The following NRIP3 variants were observed in gnomAD, a reference collection of about 807,000 sequenced individuals.
NRIP3 encodes the protein nuclear receptor-interacting protein 3.
Under a neutral mutation model 29.0 loss-of-function variants are expected in NRIP3, and 31 were observed. The ratio of observed to expected loss-of-function variants is 1.07; its 90% CI spans 0.80 to 1.44. NRIP3 has a LOEUF of 1.44. NRIP3 is among the 40% of genes most tolerant of loss of function. NRIP3 has a pLI of 0.00. For synonymous variants in NRIP3, 131 were observed against 118.3 expected, an observed-to-expected ratio of 1.11 and a Z score of -0.70; for missense variants, 314 against 297.9, an observed-to-expected ratio of 1.05 and a Z score of -0.40.
intron 1 of NRIP3, among the ~76,000 whole-genome samples, chr11:8,996,274 CCTTTTTTTTTT>C (rs1854702924): frequency 9.8e-6 from 1 of 101,842 alleles, no homozygotes; most frequent in Non-Finnish European, 2.0e-5. Context: ...GCCTTTTTTT[CCTTTTTTTTTT>C]TTTTTTTTTT....
Position 9,002,719 on chromosome 11 carries a change from A to G in NRIP3, c.174+1043T>C, listed in dbSNP as rs1246960813. On this transcript the variant is annotated intron_variant, in intron 1 of 6. Coordinates refer to ENST00000309166, the MANE Select transcript of NRIP3 (RefSeq NM_020645.3). Reference sequence around the variant, plus strand: ...CCAAAATTAAATATTTCAAAAGCTTAAAATAAAAAATACTAGAAAAATTAT... The same window carrying G: ...CCAAAATTAAATATTTCAAAAGCTTGAAATAAAAAATACTAGAAAAATTAT... 2.6e-5 allele frequency among the ~76,000 whole-genome samples: 4 copies of G among 152,136 alleles called. No homozygotes were observed. The East Asian group carries it at 7.7e-4, about 29-fold the overall frequency.
In NRIP3 at chr11:8,983,874, C is replaced by T. The variant is rs752666076; in HGVS notation, c.710+1G>A. 6.2e-6 allele frequency: 10 copies of T among 1,613,566 alleles called. No individual in the cohort carries two copies. Among genetic ancestry groups the T allele is most frequent in the Non-Finnish European group, 8.5e-6 (10 of 1,179,442 alleles). On this transcript the variant is annotated splice_donor_variant, in intron 6 of 6. Transcript: ENST00000309166. LOFTEE classifies it high-confidence loss of function. ...TTGATCTGACCCATTTGGGCACTCA[C>T]TTGTCTTCATTCAAAGAGACTGTCT...
chr11:9,004,025 C>G (rs3763906), upstream of NRIP3: 110 of 1,258,148 alleles, frequency 8.7e-5, no homozygotes, highest in East Asian at 3.3e-3. Flanking sequence ...CGAGCCGCGC[C>G]TTTTATAGCC....
chr11:8,992,200 G>GT (rs1854614608), intron 1 of NRIP3, among the ~76,000 whole-genome samples: 1 of 152,226 alleles, frequency 6.6e-6, no homozygotes, highest in Non-Finnish European at 1.5e-5. Context: ...GATGCAATTA[G>GT]GGTTGGAAAT....
intron 1 of NRIP3, among the ~76,000 whole-genome samples, chr11:9,001,838 G>A (rs1854805610): frequency 6.6e-6 from 1 of 152,140 alleles, no homozygotes; most frequent in Admixed American, 6.5e-5. Context: ...CATTATAGGT[G>A]TGAAAACAGT....
At chr11:9,004,009 G>C, upstream of NRIP3, 1 of 1,354,390 alleles carries the variant, frequency 7.4e-7, no homozygotes, top group Non-Finnish European at 9.6e-7. Flanking sequence ...AGCGCCGCAA[G>C]GGCCCCGAGC....
rs1854441377 is a variant in NRIP3 at position 8,982,759 on chromosome 11, C to G, written c.*786G>C. 1 of 292,220 alleles carries G rather than the reference C, an allele frequency of 3.4e-6. No individual in the cohort carries two copies. The highest frequency in any genetic ancestry group is 6.7e-6 in the Non-Finnish European group (1 of 149,122). The allele number at this position is 292,220 out of a possible 1,614,324, so 18.1% of individuals were successfully genotyped here. ...GGCAAGGAACTTTTACTGGGCTTGGCACACAGGAGGGAGAGCTACCCAAAT... is the reference window on the plus strand; with the variant it reads ...GGCAAGGAACTTTTACTGGGCTTGGGACACAGGAGGGAGAGCTACCCAAAT... On this transcript the variant is annotated 3_prime_UTR_variant, in exon 7 of 7. Transcript: ENST00000309166.
Position 8,983,097 on chromosome 11 carries a change from A to T in NRIP3, c.*448T>A. The T allele has an allele frequency of 2.3e-6, 1 of 441,928 alleles. No homozygotes were observed. The highest frequency in any genetic ancestry group is 1.6e-5 in the South Asian group (1 of 60,888). 27.4% of individuals were successfully genotyped at this position (441,928 alleles called of 1,614,324 possible). On this transcript the variant is annotated 3_prime_UTR_variant, in exon 7 of 7. Transcript: ENST00000309166. Reference sequence around the variant, plus strand: ...AATGAATCAATTTGAAGAAACTCTAATTCTAAGACATAGGTATCCTGGCAC... The same window carrying T: ...AATGAATCAATTTGAAGAAACTCTATTTCTAAGACATAGGTATCCTGGCAC...
chr11:8,983,282 A>T lies in NRIP3; in HGVS notation c.*263T>A. 1 of 549,726 alleles carries T rather than the reference A, an allele frequency of 1.8e-6. No homozygotes were observed. The highest frequency in any genetic ancestry group is 3.2e-6 in the Non-Finnish European group (1 of 309,282). The allele number at this position is 549,726 out of a possible 1,614,324, so 34.1% of individuals were successfully genotyped here. ...CCTGGAAGAAGCAGAGAAATAGGCC[A>T]CAAGTGAGACTGGCAGTGTCAAAAA... is the stretch of plus-strand genomic sequence containing the variant. On this transcript the variant is annotated 3_prime_UTR_variant, in exon 7 of 7. Transcript: ENST00000309166.
At chr11:8,984,317 C>T (rs1490082901) in intron 4 of NRIP3, among the ~76,000 whole-genome samples, 193 bp from the exon 5 acceptor site, 1 of 151,462 alleles carries the variant, frequency 6.6e-6, no homozygotes, top group African/African-American at 2.4e-5. Context: ...GGCTGGAGTG[C>T]AGTGGCGCAA....
At chr11:9,002,013 C>A (rs1854810530) in intron 1 of NRIP3, among the ~76,000 whole-genome samples, 1 of 152,198 alleles carries the variant, frequency 6.6e-6, no homozygotes, top group African/African-American at 2.4e-5. Flanking sequence ...ATGCTATCAG[C>A]CCTTTGTGAC....
chr11:8,985,223 G>C (rs1854497872), intron 4 of NRIP3, among the ~76,000 whole-genome samples: 1 of 142,816 alleles, frequency 7.0e-6, no homozygotes, highest in Non-Finnish European at 1.5e-5. Flanking sequence ...AGGCTGGAGT[G>C]CAGTGGCACG....
Position 8,988,121 on chromosome 11 carries a change from G to T in NRIP3, c.336C>A (p.Cys112Ter), listed in dbSNP as rs139920896. The change falls in exon 2 of 7, where the codon TGC (cysteine) becomes TGA (stop). Residue 112 changes from cysteine (C) to a stop codon, truncating the protein, a stop_gained. Transcript: ENST00000309166. LOFTEE classifies it high-confidence loss of function. The stretch of plus-strand genomic sequence containing the variant: ...AAAGCTGTTCTCAGAACATTACCTG[G>T]CAAGAAACCAAAATCATGTCATCCT... ...SEEDDMILVS[C>*]QCAGKDVKAL... 1 of 1,613,756 alleles carries T rather than the reference G, an allele frequency of 6.2e-7. No individual in the cohort carries two copies. The highest frequency in any genetic ancestry group is 1.1e-5 in the South Asian group (1 of 90,990).
At chr11:9,003,628 G>A (rs1589967391) in intron 1 of NRIP3, 134 bp downstream of exon 1, 3 of 864,338 alleles carry the variant, frequency 3.5e-6, no homozygotes, top group East Asian at 3.4e-5. Flanking sequence ...GGAGGAATCC[G>A]CGACGCAGCG....
chr11:9,003,883 C>A lies in NRIP3; in HGVS notation c.53G>T (p.Arg18Leu). The change falls in exon 1 of 7, where the codon CGG becomes CTG. Residue 18 changes from arginine (R) to leucine (L), a missense_variant. By Grantham distance (102) the Arg-to-Leu change is moderately radical. Transcript: ENST00000309166. ...CTGCTGTCGCAGTGACGCCGCCTCC[C>A]GCATGTCGGTCTCCTTGCGGCCGCC... ...TEGGRKETDM[R>L]EAASLRQQRR... The A allele has an allele frequency of 3.3e-6, 5 of 1,522,230 alleles. No individual in the cohort carries two copies. The highest frequency in any genetic ancestry group is 4.4e-6 in the Non-Finnish European group (5 of 1,136,318). 94.3% of individuals were successfully genotyped at this position (1,522,230 alleles called of 1,614,324 possible).
Position 8,983,538 on chromosome 11 carries a change from G to A in NRIP3, c.*7C>T, listed in dbSNP as rs1369457179. 1 of 1,613,478 alleles carries A rather than the reference G, an allele frequency of 6.2e-7. No homozygotes were observed. The highest frequency in any genetic ancestry group is 8.5e-7 in the Non-Finnish European group (1 of 1,179,612). On this transcript the variant is annotated 3_prime_UTR_variant, in exon 7 of 7. Transcript: ENST00000309166. ...ATGCACACGTGCAGACATGCTGCAG[G>A]CTGTAGTTATGCTTCTGAAGTGCTG...
intron 3 of NRIP3, among the ~76,000 whole-genome samples, chr11:8,986,302 T>C (rs1269883605): frequency 6.6e-6 from 1 of 152,252 alleles, no homozygotes; most frequent in Non-Finnish European, 1.5e-5. Flanking sequence ...TCTTCATCAG[T>C]CTGTCTTAGA....
chr11:9,004,006 C>T (rs941669247), upstream of NRIP3: 4 of 1,360,480 alleles, frequency 2.9e-6, no homozygotes, highest in South Asian at 3.2e-5. Context: ...TCCAGCGCCG[C>T]AAGGGCCCCG....
rs774475270 is a variant in NRIP3 at position 8,987,586 on chromosome 11, T to C, written c.384A>G (p.Leu128=). 9.3e-6 allele frequency: 15 copies of C among 1,613,950 alleles called. No individual in the cohort carries two copies. Among genetic ancestry groups the C allele is most frequent in the African/African-American group, 1.3e-5 (1 of 74,918 alleles). The part of the protein sequence containing the change: ...DVKALVDTGC[L]YNLISLACVD... ...CACAGGCCAAAGAGATGAGATTATA[T>C]AGGCAGCCTGTGTCAACCAAGGCTT... Residue 128 remains leucine, a synonymous_variant, in exon 3 of 7, where the codon CTA becomes CTG. Coordinates refer to ENST00000309166, the MANE Select transcript of NRIP3 (RefSeq NM_020645.3).
Sources: gnomAD v4.1 joint callset for allele counts (sites outside exome capture counted in the v4.1 genomes callset) on GRCh38, gnomAD v4.1.1 for gene constraint, MANE v1.5 for transcripts, NCBI Gene and HGNC (gene_info 2026-07-23, HGNC 2026-07-21) for gene names.